Variants in GBP3 observed in about 807,000 individuals in gnomAD.
GBP3 encodes guanylate binding protein 3.
GBP3 carries 55 observed loss-of-function variants against 62.4 expected under a neutral mutation model. The ratio of observed to expected loss-of-function variants is 0.88; its 90% CI spans 0.71 to 1.10. GBP3 has a LOEUF of 1.10. Among genes scored for constraint, GBP3 ranks in the 50% least tolerant of loss-of-function variants. GBP3 has a pLI of 0.00. For missense variants in GBP3, 605 were observed against 690.6 expected (o/e 0.88, Z 1.39); for synonymous variants, 208 against 259.2 (o/e 0.80, Z 1.90).
Position 89,009,503 on chromosome 1 carries a change from C to G in GBP3, c.1363-9G>C. ...TGCAGAATCTCTTCAGCCTTAGGAC[C>G]CAGAGAACACAGAGTGAGAAGTAGG... On this transcript the variant is annotated splice_polypyrimidine_tract_variant and intron_variant, in intron 8 of 10. Coordinates refer to ENST00000370481, the MANE Select transcript of GBP3 (RefSeq NM_018284.3). 1 of 1,613,112 alleles carries G rather than the reference C, an allele frequency of 6.2e-7. No homozygotes were observed.
rs1307612668 is a variant in GBP3, at chr1:89,013,173, A to G, written c.868+12T>C. 6.2e-7 allele frequency: 1 copy of G among 1,611,312 alleles called. No individual in the cohort carries two copies. The highest frequency in any genetic ancestry group is 1.3e-5 in the African/African-American group (1 of 74,942). On this transcript the variant is annotated intron_variant, in intron 6 of 10. Coordinates refer to ENST00000370481, the MANE Select transcript of GBP3 (RefSeq NM_018284.3). ...TTTAACAATGAGTGGAAGTACTACGAAGGGGACTTACGAGGCCCATTGACC... is the reference window on the plus strand; with the variant it reads ...TTTAACAATGAGTGGAAGTACTACGGAGGGGACTTACGAGGCCCATTGACC...
chr1:89,019,827 G>A (rs1342610729), intron 2 of GBP3, among the ~76,000 whole-genome samples: 2 of 152,192 alleles, frequency 1.3e-5, no homozygotes, highest in Non-Finnish European at 2.9e-5. Flanking sequence ...AGATGGTAGT[G>A]ATGGTTGCAC....
intron 6 of GBP3, among the ~76,000 whole-genome samples, chr1:89,012,907 G>A (rs1236596778): frequency 2.1e-5 from 3 of 141,126 alleles, no homozygotes; most frequent in Non-Finnish European, 3.2e-5. Context: ...GCGTGATCTC[G>A]TCTCACTGCA....
chr1:89,013,439 T>C lies in GBP3; in HGVS notation c.626-12A>G. 6.3e-7 allele frequency: 1 copy of C among 1,596,340 alleles called. No individual in the cohort carries two copies. The highest frequency in any genetic ancestry group is 8.5e-7 in the Non-Finnish European group (1 of 1,173,624). ...TTTTTGACTGGTACCTAGAGAAACA[T>C]AATAAAGAAATTTGCCTAATATAAG... On this transcript the variant is annotated splice_polypyrimidine_tract_variant and intron_variant, in intron 5 of 10. Coordinates refer to ENST00000370481, the MANE Select transcript of GBP3 (RefSeq NM_018284.3).
At chr1:89,008,204 T>A (rs1023726873) in intron 10 of GBP3, among the ~76,000 whole-genome samples, 1 of 151,922 alleles carries the variant, frequency 6.6e-6, no homozygotes, top group Non-Finnish European at 1.5e-5. Context: ...ACACACATAT[T>A]ATTATTATAT....
At chr1:89,013,782 A>C in intron 5 of GBP3, 1 of 419,964 alleles carries the variant, frequency 2.4e-6, no homozygotes, top group South Asian at 3.3e-5. Flanking sequence ...CTACATAAGG[A>C]GATAAAATTT....
At chr1:89,020,288 G>A in intron 2 of GBP3, 1 of 561,052 alleles carries the variant, frequency 1.8e-6, no homozygotes, top group Non-Finnish European at 3.2e-6. Context: ...AGGGTGAGGA[G>A]AAAGAGTAGA....
Position 89,011,627 on chromosome 1 carries a change from A to G in GBP3, c.1149+120T>C, listed in dbSNP as rs1171509188. On this transcript the variant is annotated intron_variant, in intron 7 of 10. Coordinates refer to ENST00000370481, the MANE Select transcript of GBP3 (RefSeq NM_018284.3). ...CTGATTATTATGATTACCAAGAACTAGTTGTCACCATTTTAAAATCTAGAA... is the reference window on the plus strand; with the variant it reads ...CTGATTATTATGATTACCAAGAACTGGTTGTCACCATTTTAAAATCTAGAA... 3.4e-6 allele frequency: 4 copies of G among 1,181,194 alleles called. 1 individual carries two copies. In the Admixed American group the frequency reaches 9.8e-5, roughly 29 times the overall value. 73.2% of individuals were successfully genotyped at this position (1,181,194 alleles called of 1,614,324 possible).
chr1:89,007,908 G>T, intron 10 of GBP3, 56 bp from the exon 11 acceptor site: 2 of 1,510,254 alleles, frequency 1.3e-6, no homozygotes, highest in Non-Finnish European at 1.8e-6. Context: ...ATCTCTGTAA[G>T]CTATCTAGTT....
intron 2 of GBP3, 107 bp from the exon 3 acceptor site, chr1:89,015,521 A>G: frequency 2.0e-6 from 2 of 1,022,960 alleles, no homozygotes; most frequent in South Asian, 3.9e-5. Flanking sequence ...GATAACCAAA[A>G]CCACAATCAG....
chr1:89,014,479 A>C, intron 4 of GBP3, 68 bp downstream of exon 4: 1 of 1,613,900 alleles, frequency 6.2e-7, no homozygotes, highest in Non-Finnish European at 8.5e-7. Context: ...ATTCACAGTC[A>C]GGCAGCTGGT....
At chr1:89,012,847 G>A (rs943667546) in intron 6 of GBP3, among the ~76,000 whole-genome samples, 4 of 137,214 alleles carry the variant, frequency 2.9e-5, no homozygotes, top group African/African-American at 9.9e-5. Flanking sequence ...GTTATTCTAT[G>A]CTCCTTTCAT....
Position 89,011,970 on chromosome 1 carries a change from C to G in GBP3, c.926G>C (p.Cys309Ser), listed in dbSNP as rs145667506. The change falls in exon 7 of 11, where the codon TGC (cysteine) becomes TCC (serine). Residue 309 changes from cysteine to serine, a missense_variant. By Grantham distance (112) the Cys-to-Ser change is moderately radical (BLOSUM62 -1). Coordinates refer to ENST00000370481, the MANE Select transcript of GBP3 (RefSeq NM_018284.3). ...INAISRGDLP[C>S]MENAVLALAQ... ...CAAGGCCAGGACTGCGTTCTCCATG[C>G]AGGGCAGATCCCCTCTGCTGATAGC... 2.2e-4 allele frequency: 329 copies of G among 1,462,522 alleles called. 27 individuals carry two copies. In the African/African-American group the frequency reaches 4.0e-3, roughly 18 times the overall value. The allele number at this position is 1,462,522 out of a possible 1,614,324, so 90.6% of individuals were successfully genotyped here.
intron 2 of GBP3, among the ~76,000 whole-genome samples, chr1:89,016,596 T>A (rs1471385696): frequency 6.6e-6 from 1 of 152,186 alleles, no homozygotes; most frequent in Non-Finnish European, 1.5e-5. Flanking sequence ...AATTTTTTTT[T>A]TTTGGAGACA....
Position 89,021,510 on chromosome 1 carries a change from G to GCGCACACA in GBP3, c.-22-768_-22-767insTGTGTGCG, listed in dbSNP as rs751639388. ...CTAAGAAACACGCATGCGCGCGCGC[G>GCGCACACA]CACACACACACACACACACACACAC... On this transcript the variant is annotated intron_variant, in intron 1 of 10. Coordinates refer to ENST00000370481, the MANE Select transcript of GBP3 (RefSeq NM_018284.3). Among the ~76,000 whole-genome samples, 976 of 131,724 alleles carry GCGCACACA rather than the reference G, an allele frequency of 7.4e-3. 13 individuals are homozygous for GCGCACACA. Among genetic ancestry groups the GCGCACACA allele is most frequent in the African/African-American group, 0.023 (781 of 33,282 alleles). The allele number at this position is 131,724 out of a possible 152,430, so 86.4% of individuals were successfully genotyped here. A position where few individuals can be genotyped will look rare whatever the true frequency, so the allele number is the denominator to read the frequency against.
Position 89,007,530 on chromosome 1 carries a change from A to C in GBP3, c.*194T>G. The stretch of plus-strand genomic sequence containing the variant: ...TCCCTCCTCTGTTGGTACAGAGGTA[A>C]ATGCATCTTTGTTGCACAATTTACA... On this transcript the variant is annotated 3_prime_UTR_variant, in exon 11 of 11. Transcript: ENST00000370481. 1.2e-5 allele frequency: 7 copies of C among 564,152 alleles called. No individual in the cohort carries two copies. In the South Asian group the frequency reaches 1.6e-4, roughly 13 times the overall value. The allele number at this position is 564,152 out of a possible 1,614,324, so 34.9% of individuals were successfully genotyped here. A position where few individuals can be genotyped will look rare whatever the true frequency, so the allele number is the denominator to read the frequency against.
At chr1:89,017,392 C>G (rs1386145347) in intron 2 of GBP3, among the ~76,000 whole-genome samples, 3 of 150,516 alleles carry the variant, frequency 2.0e-5, no homozygotes, top group Non-Finnish European at 4.4e-5. Flanking sequence ...AAGAACTAAC[C>G]ATTAGAGCTA....
In GBP3 at chr1:89,013,290, C is replaced by A. The variant is rs12118276; in HGVS notation, c.763G>T (p.Glu255Ter). The change falls in exon 6 of 11, where the codon GAG becomes TAG. Residue 255 changes from glutamate to a stop codon, truncating the protein, a stop_gained. Transcript: ENST00000370481. LOFTEE classifies it high-confidence loss of function. The part of the protein sequence containing the change: ...LAQLEKLQDE[E>*]LDPEFVQQVA... ...TGTTGCACAAATTCAGGGTCCAGCT[C>A]TTCATCTTGTAGTTTCTCAAGCTGG... 1.2e-6 allele frequency: 2 copies of A among 1,614,216 alleles called. No homozygotes were observed. The highest frequency in any genetic ancestry group is 3.3e-5 in the Admixed American group (2 of 60,016).
intron 2 of GBP3, among the ~76,000 whole-genome samples, 183 bp from the exon 3 acceptor site, chr1:89,015,597 G>A (rs1678841533): frequency 1.3e-5 from 2 of 151,766 alleles, no homozygotes. Flanking sequence ...ATGGATTCAG[G>A]ACCTTTCATG....
Sources: allele counts gnomAD v4.1 joint callset (sites outside exome capture counted in the v4.1 genomes callset), GRCh38; gene constraint gnomAD v4.1.1; transcripts MANE v1.5; gene names NCBI Gene and HGNC (gene_info 2026-07-23, HGNC 2026-07-21).